PDGFD: variants seen among roughly 807,000 people sequenced by gnomAD.
PDGFD encodes platelet derived growth factor D.
PDGFD carries 30 observed loss-of-function variants against 44.7 expected under a neutral mutation model. The ratio of observed to expected loss-of-function variants is 0.67; its 90% CI spans 0.50 to 0.91. The LOEUF is 0.91. Ranked by LOEUF, PDGFD falls within the 40% of genes least tolerant of loss-of-function variation. The probability of loss-of-function intolerance (pLI) is 0.00; values close to 1 mark genes in which losing one functional copy is unlikely to be tolerated. For missense variants in PDGFD, 445 were observed against 457.8 expected (o/e 0.97, Z 0.25); for synonymous variants, 173 against 168.4 (o/e 1.03, Z -0.21).
At position 104,033,816 on chromosome 11, in the gene PDGFD, T is replaced by A. The variant is rs191542492; in HGVS notation, c.125-33561A>T. 4.8e-3 allele frequency among the ~76,000 whole-genome samples: 729 copies of A among 152,348 alleles called. 8 individuals are homozygous for A. Among genetic ancestry groups the A allele is most frequent in the African/African-American group, 0.017 (695 of 41,574 alleles). The stretch of plus-strand genomic sequence containing the variant: ...AGTTTGCATGTGACATCTCACATGA[T>A]AATTGTTTCCAAACTCAGGGGAAAG... On this transcript the variant is annotated intron_variant, in intron 1 of 6. Coordinates refer to ENST00000393158, the MANE Select transcript of PDGFD (RefSeq NM_025208.5).
chr11:104,106,757 T>A (rs867100000), intron 1 of PDGFD, among the ~76,000 whole-genome samples: 103 of 151,910 alleles, frequency 6.8e-4, no homozygotes, highest in African/African-American at 2.2e-3. Flanking sequence ...TTTTTTTTTT[T>A]TTTCAAGTCA....
At chr11:104,002,884 A>G (rs1859641319) in intron 1 of PDGFD, among the ~76,000 whole-genome samples, 1 of 152,214 alleles carries the variant, frequency 6.6e-6, no homozygotes, top group African/African-American at 2.4e-5. Flanking sequence ...TGCCATGAAT[A>G]GAAGGTAACC....
intron 5 of PDGFD, among the ~76,000 whole-genome samples, chr11:103,940,129 G>T (rs78710404): frequency 0.01 from 1,528 of 151,988 alleles, 25 homozygotes; most frequent in African/African-American, 0.036. Context: ...TTCTTGAAGA[G>T]AACAAAAAGC....
chr11:103,980,436 C>A (rs10895554), intron 3 of PDGFD, among the ~76,000 whole-genome samples: 26,405 of 151,984 alleles, frequency 0.17, 2,403 homozygotes, highest in South Asian at 0.24. Flanking sequence ...ATGAGTAATT[C>A]AAAAGGGACT....
chr11:104,162,034 T>C (rs1367431777), intron 1 of PDGFD, among the ~76,000 whole-genome samples: 1 of 151,370 alleles, frequency 6.6e-6, no homozygotes, highest in African/African-American at 2.4e-5. Context: ...AAATGAGAAA[T>C]CCAGGGTAGT....
intron 1 of PDGFD, among the ~76,000 whole-genome samples, chr11:104,118,864 T>A (rs1038112368): frequency 5.6e-4 from 23 of 41,026 alleles, no homozygotes; most frequent in East Asian, 1.5e-3. Flanking sequence ...TATAATATAT[T>A]ATATATTAAT....
chr11:103,968,200 C>T (rs1023373964), intron 3 of PDGFD, among the ~76,000 whole-genome samples: 2 of 152,080 alleles, frequency 1.3e-5, no homozygotes, highest in African/African-American at 4.8e-5. Flanking sequence ...AATGTCTTCT[C>T]GAATTGTCAG....
chr11:103,924,019 T>C (rs775072145), intron 6 of PDGFD, among the ~76,000 whole-genome samples: 3 of 152,182 alleles, frequency 2.0e-5, no homozygotes, highest in Non-Finnish European at 4.4e-5. Context: ...TTGCAAGTAA[T>C]GGTTATTGTG....
intron 5 of PDGFD, among the ~76,000 whole-genome samples, chr11:103,929,348 A>G (rs568659704): frequency 6.6e-6 from 1 of 152,138 alleles, no homozygotes; most frequent in Non-Finnish European, 1.5e-5. Context: ...TCTGATGTTG[A>G]ACCAGGGTTG....
chr11:104,056,634 C>CTCAGA (rs1340443444), intron 1 of PDGFD, among the ~76,000 whole-genome samples: 1 of 152,112 alleles, frequency 6.6e-6, no homozygotes, highest in Non-Finnish European at 1.5e-5. Context: ...CAGATTCTGC[C>CTCAGA]TCAGAGCCTC....
intron 3 of PDGFD, among the ~76,000 whole-genome samples, chr11:103,976,011 G>T (rs181407081): frequency 1.3e-5 from 2 of 152,130 alleles, no homozygotes; most frequent in Non-Finnish European, 2.9e-5. Flanking sequence ...ATTTAAAGTA[G>T]TTTTTTTCTA....
At chr11:104,071,410 G>T (rs1474566057) in intron 1 of PDGFD, among the ~76,000 whole-genome samples, 1 of 150,774 alleles carries the variant, frequency 6.6e-6, no homozygotes, top group African/African-American at 2.4e-5. Context: ...TATAATATGG[G>T]TATATTTATA....
chr11:103,967,921 T>G (rs567020948), intron 3 of PDGFD, among the ~76,000 whole-genome samples: 1 of 152,332 alleles, frequency 6.6e-6, no homozygotes, highest in South Asian at 2.1e-4. Flanking sequence ...TTTGTAATTG[T>G]TGCTTACTGC....
chr11:103,977,232 G>A (rs1038907298), intron 3 of PDGFD, among the ~76,000 whole-genome samples: 4 of 152,078 alleles, frequency 2.6e-5, no homozygotes, highest in African/African-American at 9.7e-5. Flanking sequence ...CCCAGGACCA[G>A]ATGGATTCAC....
At chr11:104,116,979 T>A (rs1035355754) in intron 1 of PDGFD, among the ~76,000 whole-genome samples, 4 of 151,948 alleles carry the variant, frequency 2.6e-5, no homozygotes, top group Non-Finnish European at 4.4e-5. Context: ...TTCTTCCCAG[T>A]CTCGAGTATG....
At chr11:103,952,929 T>G (rs1858780555) in intron 3 of PDGFD, among the ~76,000 whole-genome samples, 1 of 152,208 alleles carries the variant, frequency 6.6e-6, no homozygotes, top group Non-Finnish European at 1.5e-5. Flanking sequence ...TCTCAAATCT[T>G]CACTTTCTAA....
At chr11:104,102,003 G>T (rs1373164196) in intron 1 of PDGFD, among the ~76,000 whole-genome samples, 1 of 152,002 alleles carries the variant, frequency 6.6e-6, no homozygotes, top group Non-Finnish European at 1.5e-5. Flanking sequence ...ATACCATTCA[G>T]GACATAGGCA....
chr11:103,974,358 C>A (rs1240946268), intron 3 of PDGFD, among the ~76,000 whole-genome samples: 1 of 152,140 alleles, frequency 6.6e-6, no homozygotes, highest in African/African-American at 2.4e-5. Context: ...GTGCAGTCAC[C>A]TCCTATGAAG....
In PDGFD at chr11:103,925,716, C is replaced by CATATATATATATATAT. The variant is rs370841769; in HGVS notation, c.987+1180_987+1195dup. On this transcript the variant is annotated intron_variant, in intron 6 of 6. Transcript: ENST00000393158. The stretch of plus-strand genomic sequence containing the variant: ...ATATATATACACAGACACACACACA[C>CATATATATATATATAT]ATATATATATATATATATATGTAAT... Among the ~76,000 whole-genome samples, 240 of 122,732 alleles carry CATATATATATATATAT rather than the reference C, an allele frequency of 2.0e-3. 1 individual carries two copies. Among genetic ancestry groups the CATATATATATATATAT allele is most frequent in the African/African-American group, 7.5e-3 (232 of 31,050 alleles). The allele number at this position is 122,732 out of a possible 152,430, so 80.5% of individuals were successfully genotyped here. A position where few individuals can be genotyped will look rare whatever the true frequency, so the allele number is the denominator to read the frequency against.
Sources: gnomAD v4.1 joint callset for allele counts (sites outside exome capture counted in the v4.1 genomes callset) on GRCh38, gnomAD v4.1.1 for gene constraint, MANE v1.5 for transcripts, NCBI Gene and HGNC (gene_info 2026-07-23, HGNC 2026-07-21) for gene names.